The following HPSE2 variants were observed in gnomAD, a reference collection of about 807,000 sequenced individuals.
HPSE2 encodes inactive heparanase-2.
In HPSE2, 38 loss-of-function variants were observed where a neutral mutation model predicts 60.5. The observed-to-expected ratio is 0.63, with a 90% confidence interval of 0.48 to 0.82. The LOEUF (loss-of-function observed/expected upper bound fraction) is 0.82. HPSE2 is among the 40% of genes least tolerant of loss of function. The probability of loss-of-function intolerance (pLI) is 0.00; values close to 1 mark genes in which losing one functional copy is unlikely to be tolerated. For synonymous variants in HPSE2, 295 were observed against 293.2 expected, an observed-to-expected ratio of 1.01 and a Z score of -0.06; for missense variants, 713 against 740.4, an observed-to-expected ratio of 0.96 and a Z score of 0.43.
At chr10:98,995,408 T>C (rs1464576381) in intron 3 of HPSE2, among the ~76,000 whole-genome samples, 1 of 152,224 alleles carries the variant, frequency 6.6e-6, no homozygotes, top group Non-Finnish European at 1.5e-5. Flanking sequence ...CCAATTACTA[T>C]TTTTATTATT....
At chr10:98,878,516 A>G (rs935942391) in intron 3 of HPSE2, among the ~76,000 whole-genome samples, 22 of 151,956 alleles carry the variant, frequency 1.4e-4, no homozygotes, top group Non-Finnish European at 1.2e-4. Flanking sequence ...AATGTTCCAG[A>G]CTGAAGAAAG....
chr10:99,310,145 G>A, the HPSE2 span, among the ~76,000 whole-genome samples: 5 of 152,086 alleles, frequency 3.3e-5, no homozygotes, highest in African/African-American at 9.7e-5. Flanking sequence ...TTATAAGAAC[G>A]CTTATGATAG....
intron 3 of HPSE2, among the ~76,000 whole-genome samples, chr10:99,010,064 C>T (rs1956977254): frequency 6.6e-6 from 1 of 152,186 alleles, no homozygotes; most frequent in Non-Finnish European, 1.5e-5. Context: ...TTAGAATCCG[C>T]TCTGTTGTGA....
chr10:98,952,236 C>T (rs1270706353), intron 3 of HPSE2, among the ~76,000 whole-genome samples: 2 of 151,820 alleles, frequency 1.3e-5, no homozygotes, highest in African/African-American at 2.4e-5. Flanking sequence ...CGTGGCTCTG[C>T]CACTCCAGTG....
At chr10:98,571,673 T>C (rs1367475551) in intron 9 of HPSE2, among the ~76,000 whole-genome samples, 1 of 152,198 alleles carries the variant, frequency 6.6e-6, no homozygotes, top group Non-Finnish European at 1.5e-5. Flanking sequence ...ACAACATTCA[T>C]GGACTACTGA....
chr10:98,832,731 A>C (rs1951711292), intron 3 of HPSE2, among the ~76,000 whole-genome samples: 1 of 152,212 alleles, frequency 6.6e-6, no homozygotes, highest in African/African-American at 2.4e-5. Context: ...AGATAATAAA[A>C]AAAGGAGCTT....
intron 3 of HPSE2, among the ~76,000 whole-genome samples, chr10:99,001,016 T>C (rs914366064): frequency 2.0e-5 from 3 of 152,064 alleles, no homozygotes; most frequent in Admixed American, 2.0e-4. Flanking sequence ...TGTTATTAAA[T>C]AGCTGAACTG....
At chr10:98,796,653 A>G (rs1236660692) in intron 3 of HPSE2, among the ~76,000 whole-genome samples, 2 of 152,220 alleles carry the variant, frequency 1.3e-5, no homozygotes, top group Non-Finnish European at 2.9e-5. Flanking sequence ...GGTTGATCAT[A>G]GAGACATTGA....
Position 99,223,432 on chromosome 10 carries a change from TC to T in HPSE2, c.448+8915del, listed in dbSNP as rs576193760. ...TCCCAAATCTGGGCAGTTTACCTTT[TC>T]CCAGCTTTCTAACTTCGCATTCCAA... On this transcript the variant is annotated intron_variant, in intron 2 of 11. Transcript: ENST00000370552. Among the ~76,000 whole-genome samples the T allele has an allele frequency of 1.4e-3, 215 of 152,296 alleles. 2 individuals carry two copies. The highest frequency in any genetic ancestry group is 7.9e-3 in the South Asian group (38 of 4,826).
chr10:98,601,343 A>G (rs763324834), intron 9 of HPSE2, among the ~76,000 whole-genome samples: 1 of 152,234 alleles, frequency 6.6e-6, no homozygotes, highest in Non-Finnish European at 1.5e-5. Flanking sequence ...GACACATACA[A>G]TTAACCATCA....
At chr10:99,119,572 C>A (rs1201735580) in intron 3 of HPSE2, among the ~76,000 whole-genome samples, 1 of 152,122 alleles carries the variant, frequency 6.6e-6, no homozygotes, top group Non-Finnish European at 1.5e-5. Context: ...GCATTCTTCA[C>A]AGAACTAGAA....
At chr10:98,660,559 A>C (rs1165750148) in intron 6 of HPSE2, among the ~76,000 whole-genome samples, 1 of 152,210 alleles carries the variant, frequency 6.6e-6, no homozygotes, top group Non-Finnish European at 1.5e-5. Context: ...GGCCATAGGA[A>C]AAATTTTGGC....
At position 99,074,285 on chromosome 10, in the gene HPSE2, A is replaced by T. The variant is rs569473185; in HGVS notation, c.610+69953T>A. Among the ~76,000 whole-genome samples, 17 of 151,876 alleles carry T rather than the reference A, an allele frequency of 1.1e-4. No homozygotes were observed. The South Asian group carries it at 3.5e-3, about 32-fold the overall frequency. On this transcript the variant is annotated intron_variant, in intron 3 of 11. Transcript: ENST00000370552. ...ATAAAAGCGTGTTGAATTTTGTCAA[A>T]TTTTTTTTCTGCATCTATTGAGATA... is the stretch of plus-strand genomic sequence containing the variant.
chr10:99,016,037 T>C (rs141634805), intron 3 of HPSE2, among the ~76,000 whole-genome samples: 12,800 of 152,234 alleles, frequency 0.084, 653 homozygotes, highest in South Asian at 0.19. Flanking sequence ...AGCTCTTTAG[T>C]TTAATCAGAT....
intron 3 of HPSE2, among the ~76,000 whole-genome samples, chr10:99,114,047 G>A (rs1053164918): frequency 2.6e-5 from 4 of 151,850 alleles, no homozygotes. Context: ...ACTGCAACAC[G>A]TTGAAATACA....
At chr10:99,112,877 G>A (rs1317720847) in intron 3 of HPSE2, among the ~76,000 whole-genome samples, 1 of 152,086 alleles carries the variant, frequency 6.6e-6, no homozygotes, top group African/African-American at 2.4e-5. Flanking sequence ...AAAGTAGTGT[G>A]GCAAGTATGT....
At chr10:99,165,693 C>T (rs1038088995) in intron 2 of HPSE2, among the ~76,000 whole-genome samples, 14 of 151,950 alleles carry the variant, frequency 9.2e-5, no homozygotes, top group Admixed American at 8.5e-4. Flanking sequence ...ATTACAGATG[C>T]GTGTCACCAT....
chr10:98,802,102 A>G (rs879811032), intron 3 of HPSE2, among the ~76,000 whole-genome samples: 3 of 152,130 alleles, frequency 2.0e-5, no homozygotes, highest in Non-Finnish European at 4.4e-5. Flanking sequence ...TCACTTCAAT[A>G]AAGAATGCTA....
rs568510399 is a variant in HPSE2 at position 98,467,534 on chromosome 10, A to T, written c.1614-7795T>A. Among the ~76,000 whole-genome samples, 10 of 152,164 alleles carry T rather than the reference A, an allele frequency of 6.6e-5. No individual in the cohort carries two copies. The East Asian group carries it at 1.2e-3, about 18-fold the overall frequency. On this transcript the variant is annotated intron_variant, in intron 11 of 11. Transcript: ENST00000370552. ...AGAAAGGAGGAGGGGCAGGGGAGAG[A>T]TAAGTCCGACTGTGTGTTTGTATGG...
Sources: gnomAD v4.1 joint callset for allele counts (sites outside exome capture counted in the v4.1 genomes callset) on GRCh38, gnomAD v4.1.1 for gene constraint, MANE v1.5 for transcripts, NCBI Gene and HGNC (gene_info 2026-07-23, HGNC 2026-07-21) for gene names.